RGS11: variants seen among roughly 807,000 people sequenced by gnomAD.
The protein encoded by RGS11 is regulator of G-protein signaling 11.
In RGS11, 86 loss-of-function variants were observed where a neutral mutation model predicts 71.1. The ratio of observed to expected loss-of-function variants is 1.21; its 90% CI spans 1.02 to 1.45. RGS11 has a LOEUF of 1.45. Among genes scored for constraint, RGS11 ranks in the 40% most tolerant of loss-of-function variants. The probability of loss-of-function intolerance (pLI) is 0.00; values close to 1 mark genes in which losing one functional copy is unlikely to be tolerated. For synonymous variants in RGS11, 298 were observed against 254.2 expected (o/e 1.17, Z -1.64); for missense variants, 734 against 635.1 (o/e 1.16, Z -1.67).
chr16:274,869 A>T, intron 4 of RGS11, 107 bp downstream of exon 4: 1 of 1,436,060 alleles, frequency 7.0e-7, no homozygotes, highest in African/African-American at 1.5e-5. Flanking sequence ...GCGGAGTCCC[A>T]CTCCAATCCC....
intron 4 of RGS11, 33 bp downstream of exon 4, chr16:274,943 C>G: frequency 1.9e-6 from 3 of 1,541,700 alleles, no homozygotes; most frequent in Non-Finnish European, 1.8e-6. Context: ...GGTGGGGGTC[C>G]CACCGGCTCC....
Position 274,120 on chromosome 16 carries a change from C to T in RGS11, c.371-19G>A. 2 of 1,557,562 alleles carry T rather than the reference C, an allele frequency of 1.3e-6. No individual in the cohort carries two copies. Among genetic ancestry groups the T allele is most frequent in the Non-Finnish European group, 1.7e-6 (2 of 1,150,832 alleles). ...TAGATGGCTGGAAGAACAGGGACAG[C>T]CTGCAGAGGGGCCAGCTCTGCCCTG... On this transcript the variant is annotated intron_variant, in intron 5 of 16. Transcript: ENST00000397770.
rs1360629865 is a variant in RGS11 at position 275,064 on chromosome 16, G to A, written c.230C>T (p.Ala77Val). ...GATGTAGCCATGCTGCACCAGGACG[G>A]CGCCCAGGTGCAGGGCCTCTGGGGA... ...VSEEEALHLG[A>V]VLVQHGYIYP... The change falls in exon 4 of 17, where the codon GCC becomes GTC. Residue 77 changes from alanine to valine, a missense_variant. Transcript: ENST00000397770. 1.5e-5 allele frequency: 22 copies of A among 1,481,542 alleles called. No individual in the cohort carries two copies. The highest frequency in any genetic ancestry group is 1.8e-5 in the Non-Finnish European group (20 of 1,114,648). The allele number at this position is 1,481,542 out of a possible 1,614,324, so 91.8% of individuals were successfully genotyped here. A position where few individuals can be genotyped will look rare whatever the true frequency, so the allele number is the denominator to read the frequency against.
chr16:275,216 C>A (rs2052115560), intron 3 of RGS11, 67 bp downstream of exon 3: 1 of 1,608,092 alleles, frequency 6.2e-7, no homozygotes, highest in African/African-American at 1.3e-5. Context: ...TGCCAGACTC[C>A]AGGAAAACCC....
rs573125463 is a variant in RGS11, at chr16:274,882, C to G, written c.318+94G>C. On this transcript the variant is annotated intron_variant, in intron 4 of 16. Transcript: ENST00000397770. ...TGGCGGAGTCCCACTCCAATCCCAG[C>G]AAGCTCGGCGCCCCTCCTGTCTCCC... 6.0e-6 allele frequency: 9 copies of G among 1,509,792 alleles called. No individual in the cohort carries two copies. The South Asian group carries it at 9.6e-5, about 16-fold the overall frequency. 93.5% of individuals were successfully genotyped at this position (1,509,792 alleles called of 1,614,324 possible). A position where few individuals can be genotyped will look rare whatever the true frequency, so the allele number is the denominator to read the frequency against.
chr16:269,208 C>T lies in RGS11; in HGVS notation c.*61G>A, dbSNP rs1317798755. ...AGGACCTGGGCCAAGACGGGGGTGG[C>T]TGCTGCATTCACGCAGGACGTTGAG... On this transcript the variant is annotated 3_prime_UTR_variant, in exon 17 of 17. Transcript: ENST00000397770. 4 of 1,255,946 alleles carry T rather than the reference C, an allele frequency of 3.2e-6. No individual in the cohort carries two copies. The highest frequency in any genetic ancestry group is 2.5e-5 in the East Asian group (1 of 39,654). The allele number at this position is 1,255,946 out of a possible 1,614,324, so 77.8% of individuals were successfully genotyped here.
At chr16:272,366 T>A (rs1415646058) in intron 9 of RGS11, 5 of 1,290,538 alleles carry the variant, frequency 3.9e-6, no homozygotes, top group East Asian at 5.5e-5. Context: ...AGAAGTTTTA[T>A]CAGTGAGGTT....
chr16:274,580 G>C (rs533267859), intron 4 of RGS11: 1 of 595,724 alleles, frequency 1.7e-6, no homozygotes, highest in African/African-American at 1.8e-5. Context: ...GCCTGGGGAG[G>C]GGTACAACCG....
Position 269,840 on chromosome 16 carries a change from G to A in RGS11, c.1207-255C>T, listed in dbSNP as rs532538569. ...GTGGCCACGTGTAGAGGAATAAACC[G>A]CGGCACCTCCTCAGCCATTAGCGGG... On this transcript the variant is annotated intron_variant, in intron 15 of 16. Transcript: ENST00000397770. 4.9e-5 allele frequency: 22 copies of A among 452,024 alleles called. No individual in the cohort carries two copies. In the South Asian group the frequency reaches 6.7e-4, roughly 14 times the overall value. The allele number at this position is 452,024 out of a possible 1,614,324, so 28.0% of individuals were successfully genotyped here.
At chr16:273,316 G>A (rs1417472432) in intron 8 of RGS11, among the ~76,000 whole-genome samples, 159 bp downstream of exon 8, 3 of 152,184 alleles carry the variant, frequency 2.0e-5, no homozygotes, top group African/African-American at 7.2e-5. Flanking sequence ...TGGCAGAAAC[G>A]CAACTAAGTC....
Position 271,697 on chromosome 16 carries a change from C to T in RGS11, c.658-128G>A, listed in dbSNP as rs762717698. On this transcript the variant is annotated intron_variant, in intron 9 of 16. Coordinates refer to ENST00000397770, the MANE Select transcript of RGS11 (RefSeq NM_183337.3). ...ATCTGGCAGAGATGGTGGCCCAGGC[C>T]CCCAGTCCCGCCCCTTGGAGCCCCT... is the stretch of plus-strand genomic sequence containing the variant. The T allele has an allele frequency of 2.4e-5, 21 of 880,658 alleles. No homozygotes were observed. The Admixed American group carries it at 2.4e-4, about 10-fold the overall frequency. 54.6% of individuals were successfully genotyped at this position (880,658 alleles called of 1,614,324 possible).
chr16:268,674 C>A lies in RGS11; in HGVS notation c.*595G>T, dbSNP rs2051780994. On this transcript the variant is annotated 3_prime_UTR_variant, in exon 17 of 17. Transcript: ENST00000397770. The stretch of plus-strand genomic sequence containing the variant: ...AAGCAGGTGCCGGCGCACCTGTGGA[C>A]AAATTCTGGAACGCGTTTGGCGAGG... The A allele has an allele frequency of 4.6e-6, 6 of 1,304,350 alleles. No individual in the cohort carries two copies. Among genetic ancestry groups the A allele is most frequent in the African/African-American group, 4.4e-5 (3 of 68,462 alleles). The allele number at this position is 1,304,350 out of a possible 1,614,324, so 80.8% of individuals were successfully genotyped here. A position where few individuals can be genotyped will look rare whatever the true frequency, so the allele number is the denominator to read the frequency against.
At chr16:275,654 G>A in intron 1 of RGS11, 156 bp from the exon 2 acceptor site, 1 of 125,528 alleles carries the variant, frequency 8.0e-6, no homozygotes, top group South Asian at 1.1e-4. Context: ...GGGCGGGCCG[G>A]GGAGGGCCGG....
In RGS11 at chr16:270,971, G is replaced by A. The variant is rs1360120061; in HGVS notation, c.979+13C>T. On this transcript the variant is annotated intron_variant, in intron 13 of 16. Coordinates refer to ENST00000397770, the MANE Select transcript of RGS11 (RefSeq NM_183337.3). ...CCCCGCTGGGACTGGAGCAGGGGCT[G>A]GGGGGTTCTCACCACTGAACTCCTT... The A allele has an allele frequency of 6.3e-7, 1 of 1,594,112 alleles. No homozygotes were observed. The highest frequency in any genetic ancestry group is 1.1e-5 in the South Asian group (1 of 90,612).
At position 268,839 on chromosome 16, in the gene RGS11, G is replaced by A. The variant is rs1477385990; in HGVS notation, c.*430C>T. The A allele has an allele frequency of 1.9e-6, 3 of 1,550,432 alleles. No individual in the cohort carries two copies. The South Asian group carries it at 3.6e-5, about 18-fold the overall frequency. ...GCAGAGCTCGCGCCGAGACCTGCATGTCCGCGTCTTGTGACGGGTGTGTGG... is the reference window on the plus strand; with the variant it reads ...GCAGAGCTCGCGCCGAGACCTGCATATCCGCGTCTTGTGACGGGTGTGTGG... On this transcript the variant is annotated 3_prime_UTR_variant, in exon 17 of 17. Coordinates refer to ENST00000397770, the MANE Select transcript of RGS11 (RefSeq NM_183337.3).
At position 268,473 on chromosome 16, in the gene RGS11, G is replaced by T. The variant is rs903206343; in HGVS notation, c.*796C>A. The T allele has an allele frequency of 1.4e-5, 7 of 486,544 alleles. No homozygotes were observed. The highest frequency in any genetic ancestry group is 2.3e-5 in the Non-Finnish European group (6 of 265,932). 30.1% of individuals were successfully genotyped at this position (486,544 alleles called of 1,614,324 possible). The stretch of plus-strand genomic sequence containing the variant: ...AGCTGTACCTTCACCCAGTCTGGGG[G>T]ACTGGTGAGGCACTTGGGGGATGGG... On this transcript the variant is annotated 3_prime_UTR_variant, in exon 17 of 17. Transcript: ENST00000397770.
Position 275,387 on chromosome 16 carries a change from C to G in RGS11, c.160+15G>C. On this transcript the variant is annotated intron_variant, in intron 2 of 16. Transcript: ENST00000397770. ...GGCCGAGGCGCGCACGCACCCCCGC[C>G]CCGGCGCGCCTCACCTGTCACCGCG... The G allele has an allele frequency of 1.2e-6, 2 of 1,608,842 alleles. No individual in the cohort carries two copies. Among genetic ancestry groups the G allele is most frequent in the Non-Finnish European group, 8.5e-7 (1 of 1,179,378 alleles).
At position 268,634 on chromosome 16, in the gene RGS11, G is replaced by A. The variant is rs1160733061; in HGVS notation, c.*635C>T. On this transcript the variant is annotated 3_prime_UTR_variant, in exon 17 of 17. Coordinates refer to ENST00000397770, the MANE Select transcript of RGS11 (RefSeq NM_183337.3). ...GTCTATAAATCGGGGGGGAGGCCGC[G>A]GCCTCGAGGTGGGAAAGCAGGTGCC... 13 of 762,306 alleles carry A rather than the reference G, an allele frequency of 1.7e-5. No individual in the cohort carries two copies. The highest frequency in any genetic ancestry group is 3.5e-5 in the African/African-American group (2 of 57,498). 47.2% of individuals were successfully genotyped at this position (762,306 alleles called of 1,614,324 possible).
intron 4 of RGS11, 151 bp downstream of exon 4, chr16:274,825 A>AG (rs2052092845): frequency 9.6e-7 from 1 of 1,040,748 alleles, no homozygotes; most frequent in Admixed American, 2.0e-5. Flanking sequence ...ACTTTTGGGG[A>AG]GGGGGCGATG....
Sources: gnomAD v4.1 joint callset for allele counts (sites outside exome capture counted in the v4.1 genomes callset) on GRCh38, gnomAD v4.1.1 for gene constraint, MANE v1.5 for transcripts, NCBI Gene and HGNC (gene_info 2026-07-23, HGNC 2026-07-21) for gene names.